CPEB1: variants seen among roughly 807,000 people sequenced by gnomAD.
CPEB1 encodes cytoplasmic polyadenylation element binding protein 1, also known as cytoplasmic polyadenylation element-binding protein 1.
CPEB1 carries 7 observed loss-of-function variants against 65.8 expected under a neutral mutation model. The observed-to-expected ratio is 0.11, with a 90% CI of 0.06 to 0.20. The LOEUF is 0.20. CPEB1 is among the 10% of genes least tolerant of loss of function. The pLI, the probability that CPEB1 is intolerant of heterozygous loss-of-function variation, is 1.00. For synonymous variants in CPEB1, 262 were observed against 260.0 expected, an observed-to-expected ratio of 1.01 and a Z score of -0.08; for missense variants, 551 against 712.2, an observed-to-expected ratio of 0.77 and a Z score of 2.58.
intron 8 of CPEB1, among the ~76,000 whole-genome samples, 175 bp downstream of exon 8, chr15:82,553,290 CAG>C (rs2036598186): frequency 6.6e-6 from 1 of 152,168 alleles, no homozygotes; most frequent in Non-Finnish European, 1.5e-5. Flanking sequence ...TCAGAAGAAA[CAG>C]AGGGACATGT....
rs571979259 is a variant in CPEB1 at position 82,555,550 on chromosome 15, G to A, written c.940+320C>T. 3.9e-5 allele frequency among the ~76,000 whole-genome samples: 6 copies of A among 152,302 alleles called. No homozygotes were observed. In the South Asian group the frequency reaches 1.0e-3, roughly 26 times the overall value. Reference sequence around the variant, plus strand: ...GAGTTTCTCTTGAGGACATCCACCCGTGGAAAAAGTAAAAGCAAGAGCAGC... The same window carrying A: ...GAGTTTCTCTTGAGGACATCCACCCATGGAAAAAGTAAAAGCAAGAGCAGC... On this transcript the variant is annotated intron_variant, in intron 6 of 12. Transcript: ENST00000684509.
intron 12 of CPEB1, among the ~76,000 whole-genome samples, chr15:82,545,483 G>A (rs2035015545): frequency 6.6e-6 from 1 of 152,150 alleles, no homozygotes; most frequent in African/African-American, 2.4e-5. Context: ...CCTAACACCT[G>A]TCAAAGGATG....
At chr15:82,596,164 A>G (rs1192373648) in intron 3 of CPEB1, among the ~76,000 whole-genome samples, 2 of 152,212 alleles carry the variant, frequency 1.3e-5, no homozygotes, top group African/African-American at 4.8e-5. Flanking sequence ...TGCTATTCCT[A>G]AAGGATTCAA....
rs561625123 is a variant in CPEB1, at chr15:82,575,433, G to A, written c.272-3901C>T. Among the ~76,000 whole-genome samples, 193 of 152,226 alleles carry A rather than the reference G, an allele frequency of 1.3e-3. 1 individual carries two copies. The highest frequency in any genetic ancestry group is 4.3e-3 in the African/African-American group (179 of 41,528). On this transcript the variant is annotated intron_variant, in intron 3 of 12. Coordinates refer to ENST00000684509, the MANE Select transcript of CPEB1 (RefSeq NM_001365242.1). ...AGAAGCAAGGGTTTCTTTATGTAGA[G>A]TACAGAAAGCAATGATCATGGAGAA...
chr15:82,636,001 G>A (rs1481664630), intron 1 of CPEB1, among the ~76,000 whole-genome samples: 1 of 152,052 alleles, frequency 6.6e-6, no homozygotes, highest in Non-Finnish European at 1.5e-5. Context: ...TTCCTGTGTC[G>A]GAAAGATAAA....
At chr15:82,636,677 G>C (rs1424726333) in intron 1 of CPEB1, among the ~76,000 whole-genome samples, 2 of 152,092 alleles carry the variant, frequency 1.3e-5, no homozygotes, top group Non-Finnish European at 2.9e-5. Context: ...TCACCAATCT[G>C]ATAAACTATA....
At chr15:82,610,155 T>G (rs550202413) in intron 3 of CPEB1, among the ~76,000 whole-genome samples, 1 of 151,178 alleles carries the variant, frequency 6.6e-6, no homozygotes, top group Admixed American at 6.6e-5. Flanking sequence ...TTACCAAAAC[T>G]AACTCAAAGA....
At chr15:82,628,021 A>AG in intron 2 of CPEB1, 1 of 583,858 alleles carries the variant, frequency 1.7e-6, no homozygotes, top group Non-Finnish European at 3.0e-6. Context: ...CTCCAGATCA[A>AG]GGGGTCATAA....
At chr15:82,645,394 C>T (rs2151401182) in intron 1 of CPEB1, among the ~76,000 whole-genome samples, 1 of 152,156 alleles carries the variant, frequency 6.6e-6, no homozygotes, top group Non-Finnish European at 1.5e-5. Flanking sequence ...CTCAGGTGAT[C>T]TGCCCGCCTG....
chr15:82,567,226 G>A (rs2039280861), intron 4 of CPEB1, among the ~76,000 whole-genome samples: 1 of 152,142 alleles, frequency 6.6e-6, no homozygotes, highest in Non-Finnish European at 1.5e-5. Flanking sequence ...AGCTTCAGAT[G>A]AAAATTGCTT....
intron 3 of CPEB1, among the ~76,000 whole-genome samples, chr15:82,623,855 C>T (rs1187177002): frequency 6.6e-6 from 1 of 151,852 alleles, no homozygotes; most frequent in Non-Finnish European, 1.5e-5. Flanking sequence ...CTTTCTTTGC[C>T]ATTAAGTAGT....
chr15:82,646,172 G>A (rs763301465), intron 1 of CPEB1, among the ~76,000 whole-genome samples: 1 of 152,162 alleles, frequency 6.6e-6, no homozygotes, highest in South Asian at 2.1e-4. Flanking sequence ...TAGACTCAAA[G>A]GGAACATGAG....
intron 1 of CPEB1, among the ~76,000 whole-genome samples, chr15:82,645,468 A>G (rs2047426045): frequency 6.6e-6 from 1 of 151,962 alleles, no homozygotes; most frequent in Admixed American, 6.6e-5. Flanking sequence ...TTTTTATTAC[A>G]AAGGTTGACT....
chr15:82,564,634 G>T (rs1318863506), intron 4 of CPEB1, among the ~76,000 whole-genome samples: 1 of 152,070 alleles, frequency 6.6e-6, no homozygotes, highest in Non-Finnish European at 1.5e-5. Context: ...CAGATTTAGG[G>T]GAATAAACCT....
chr15:82,628,590 C>G, intron 1 of CPEB1, 34 bp from the exon 2 acceptor site: 4 of 602,814 alleles, frequency 6.6e-6, no homozygotes, highest in Non-Finnish European at 1.2e-5. Context: ...ATTGGTACCA[C>G]ATAGAAACAT....
At chr15:82,574,200 G>C (rs2040393088) in intron 3 of CPEB1, among the ~76,000 whole-genome samples, 1 of 152,022 alleles carries the variant, frequency 6.6e-6, no homozygotes, top group South Asian at 2.1e-4. Flanking sequence ...GTTTCTTCTA[G>C]ATAAAGATTT....
chr15:82,612,403 A>C, intron 3 of CPEB1, among the ~76,000 whole-genome samples: 1 of 151,012 alleles, frequency 6.6e-6, no homozygotes, highest in East Asian at 2.0e-4. Context: ...AGGCTGAGGC[A>C]GGAGAATCGC....
Position 82,546,427 on chromosome 15 carries a change from G to C in CPEB1, c.1656+14C>G. On this transcript the variant is annotated intron_variant, in intron 12 of 12. Transcript: ENST00000684509. Reference sequence around the variant, plus strand: ...TTTAATAGAGGGCAGGGACTTCATAGACATCGGACCCACCTGATCTCGACA... The same window carrying C: ...TTTAATAGAGGGCAGGGACTTCATACACATCGGACCCACCTGATCTCGACA... The C allele has an allele frequency of 6.2e-7, 1 of 1,608,078 alleles. No homozygotes were observed. The highest frequency in any genetic ancestry group is 8.5e-7 in the Non-Finnish European group (1 of 1,174,634).
intron 6 of CPEB1, among the ~76,000 whole-genome samples, chr15:82,555,118 C>T (rs2036964915): frequency 6.6e-6 from 1 of 152,226 alleles, no homozygotes; most frequent in African/African-American, 2.4e-5. Context: ...TAATGAATAT[C>T]TCCCTGAAGC....
Sources: allele counts gnomAD v4.1 joint callset (sites outside exome capture counted in the v4.1 genomes callset), GRCh38; gene constraint gnomAD v4.1.1; transcripts MANE v1.5; gene names NCBI Gene and HGNC (gene_info 2026-07-23, HGNC 2026-07-21).